The following CCDC148 variants were observed in gnomAD, a reference collection of about 807,000 sequenced individuals.
CCDC148 encodes the protein coiled-coil domain containing 148, also known as coiled-coil domain-containing protein 148.
In CCDC148, 89 loss-of-function variants were observed where a neutral mutation model predicts 85.7. That is an observed-to-expected ratio of 1.04 (90% CI 0.87 to 1.24). The LOEUF is 1.24. Among genes scored for constraint, CCDC148 ranks in the 50% most tolerant of loss-of-function variants. CCDC148 has a pLI of 0.00. For missense variants in CCDC148, 692 were observed against 671.7 expected, an observed-to-expected ratio of 1.03 and a Z score of -0.33; for synonymous variants, 230 against 213.9, an observed-to-expected ratio of 1.08 and a Z score of -0.66.
intron 9 of CCDC148, among the ~76,000 whole-genome samples, chr2:158,299,532 T>C (rs1004426688): frequency 2.0e-5 from 3 of 152,140 alleles, no homozygotes; most frequent in East Asian, 3.9e-4. Flanking sequence ...CAAGAAGAAA[T>C]CCAGGGTGAA....
At chr2:158,243,427 T>G (rs959461856) in intron 10 of CCDC148, among the ~76,000 whole-genome samples, 1 of 152,176 alleles carries the variant, frequency 6.6e-6, no homozygotes, top group African/African-American at 2.4e-5. Flanking sequence ...GTGTTTCTAA[T>G]AAAATTTTCC....
intron 10 of CCDC148, among the ~76,000 whole-genome samples, chr2:158,232,060 G>C (rs1165274113): frequency 1.6e-5 from 2 of 127,666 alleles, no homozygotes; most frequent in Non-Finnish European, 3.6e-5. Flanking sequence ...TCCAATGATA[G>C]AAGAATCAGA....
In CCDC148 at chr2:158,171,406, C is replaced by T. The variant is rs1684317778; in HGVS notation, c.*707G>A. On this transcript the variant is annotated 3_prime_UTR_variant, in exon 14 of 14. Coordinates refer to ENST00000283233, the MANE Select transcript of CCDC148 (RefSeq NM_138803.4). ...TTTAAATGCTCCTTTTCTATAAAATCATCTAAATATTTAATAGATAATTTG... is the reference window on the plus strand; with the variant it reads ...TTTAAATGCTCCTTTTCTATAAAATTATCTAAATATTTAATAGATAATTTG... The T allele has an allele frequency of 6.6e-6, 1 of 151,882 alleles. No individual in the cohort carries two copies. Among genetic ancestry groups the T allele is most frequent in the African/African-American group, 2.4e-5 (1 of 41,380 alleles). The allele number at this position is 151,882 out of a possible 1,614,324, so 9.4% of individuals were successfully genotyped here. A position where few individuals can be genotyped will look rare whatever the true frequency, so the allele number is the denominator to read the frequency against.
At chr2:158,316,115 T>G (rs139230725) in intron 7 of CCDC148, among the ~76,000 whole-genome samples, 1 of 152,204 alleles carries the variant, frequency 6.6e-6, no homozygotes, top group Non-Finnish European at 1.5e-5. Context: ...TTTTCAAAAA[T>G]AGTTTAAATC....
intron 10 of CCDC148, among the ~76,000 whole-genome samples, chr2:158,232,926 G>T (rs1299107370): frequency 6.6e-6 from 1 of 152,078 alleles, no homozygotes; most frequent in Non-Finnish European, 1.5e-5. Flanking sequence ...TTAAGTAGAA[G>T]GAATAAATTC....
chr2:158,408,514 A>C (rs1475002262), intron 1 of CCDC148, among the ~76,000 whole-genome samples: 1 of 152,168 alleles, frequency 6.6e-6, no homozygotes, highest in Non-Finnish European at 1.5e-5. Context: ...TATTTCACTT[A>C]GCATAATATC....
At chr2:158,443,176 C>T (rs1208866361) in intron 1 of CCDC148, among the ~76,000 whole-genome samples, 1 of 150,138 alleles carries the variant, frequency 6.7e-6, no homozygotes, top group Non-Finnish European at 1.5e-5. Context: ...CAAAAAAAAA[C>T]AAACAAAAAA....
intron 2 of CCDC148, among the ~76,000 whole-genome samples, chr2:158,350,323 A>C (rs1485948618): frequency 6.6e-6 from 1 of 152,200 alleles, no homozygotes; most frequent in Non-Finnish European, 1.5e-5. Context: ...ACCATTCTAC[A>C]TTCAGCCAAA....
intron 11 of CCDC148, among the ~76,000 whole-genome samples, chr2:158,183,738 C>A (rs1350329961): frequency 6.6e-6 from 1 of 152,140 alleles, no homozygotes; most frequent in Non-Finnish European, 1.5e-5. Context: ...GTGTTTAAGT[C>A]ATGTGGCTTA....
chr2:158,445,288 AC>A (rs756848084), intron 1 of CCDC148, among the ~76,000 whole-genome samples: 9 of 152,208 alleles, frequency 5.9e-5, no homozygotes, highest in Non-Finnish European at 1.0e-4. Context: ...CAAATTCTCT[AC>A]ATTATAGGAA....
intron 1 of CCDC148, among the ~76,000 whole-genome samples, chr2:158,409,267 C>T (rs576827572): frequency 1.3e-5 from 2 of 152,242 alleles, no homozygotes; most frequent in African/African-American, 4.8e-5. Context: ...CCACTGACAG[C>T]TTGTACCATG....
At chr2:158,191,084 G>A (rs1685402565) in intron 11 of CCDC148, among the ~76,000 whole-genome samples, 1 of 151,884 alleles carries the variant, frequency 6.6e-6, no homozygotes, top group Non-Finnish European at 1.5e-5. Flanking sequence ...CGTTTTTCTG[G>A]AGATAGACAT....
intron 1 of CCDC148, among the ~76,000 whole-genome samples, chr2:158,391,190 T>C (rs1685290256): frequency 6.6e-6 from 1 of 152,142 alleles, no homozygotes; most frequent in South Asian, 2.1e-4. Context: ...TGATGAACCG[T>C]GAATTACAGA....
chr2:158,429,262 G>A (rs1687221053), intron 1 of CCDC148, among the ~76,000 whole-genome samples: 1 of 152,022 alleles, frequency 6.6e-6, no homozygotes, highest in Non-Finnish European at 1.5e-5. Flanking sequence ...TTGAGCACAT[G>A]TACCCTATAA....
intron 10 of CCDC148, among the ~76,000 whole-genome samples, chr2:158,227,919 A>T (rs1290347961): frequency 6.6e-6 from 1 of 152,200 alleles, no homozygotes; most frequent in Admixed American, 6.5e-5. Context: ...TGTCCAAAAC[A>T]CCAAAAGCAA....
chr2:158,347,822 A>G (rs561060865), intron 2 of CCDC148, among the ~76,000 whole-genome samples: 4 of 152,262 alleles, frequency 2.6e-5, no homozygotes, highest in African/African-American at 9.6e-5. Flanking sequence ...ATGTTTGTCA[A>G]ATTTCACTGG....
chr2:158,278,558 G>A (rs1690081920), intron 9 of CCDC148, among the ~76,000 whole-genome samples: 1 of 152,234 alleles, frequency 6.6e-6, no homozygotes, highest in Non-Finnish European at 1.5e-5. Context: ...CTGCAAGGTG[G>A]CAGCGAGGCT....
chr2:158,366,511 T>C (rs760958053), intron 1 of CCDC148, among the ~76,000 whole-genome samples: 1 of 152,188 alleles, frequency 6.6e-6, no homozygotes, highest in Non-Finnish European at 1.5e-5. Context: ...GCTGTGGGAA[T>C]GCAGTCTACA....
chr2:158,439,807 T>C lies in CCDC148; in HGVS notation c.25+16608A>G, dbSNP rs928669519. ...TCCTTAGTCATCAGGAAAATGTAAA[T>C]TTAAACTACAATAAGATGCCACTAC... On this transcript the variant is annotated intron_variant, in intron 1 of 13. Coordinates refer to ENST00000283233, the MANE Select transcript of CCDC148 (RefSeq NM_138803.4). 2.0e-5 allele frequency among the ~76,000 whole-genome samples: 3 copies of C among 152,136 alleles called. No individual in the cohort carries two copies. In the South Asian group the frequency reaches 6.2e-4, roughly 32 times the overall value.
Sources: allele counts gnomAD v4.1 joint callset (sites outside exome capture counted in the v4.1 genomes callset), GRCh38; gene constraint gnomAD v4.1.1; transcripts MANE v1.5; gene names NCBI Gene and HGNC (gene_info 2026-07-23, HGNC 2026-07-21).